The following MGAT4A variants were observed in gnomAD, a reference collection of about 807,000 sequenced individuals.
MGAT4A encodes N-acetylglucosaminyltransferase IVa.
A neutral mutation model predicts 74.1 loss-of-function variants in MGAT4A; 33 were observed. That is an observed-to-expected ratio of 0.45 (90% CI 0.34 to 0.60). The LOEUF (loss-of-function observed/expected upper bound fraction) is 0.60, where lower values mean the gene tolerates loss of function less well. MGAT4A is among the 20% of genes least tolerant of loss of function. The probability of loss-of-function intolerance (pLI) is 0.02; values close to 1 mark genes in which losing one functional copy is unlikely to be tolerated. For missense variants in MGAT4A, 479 were observed against 628.3 expected, an observed-to-expected ratio of 0.76 and a Z score of 2.54; for synonymous variants, 198 against 210.4, an observed-to-expected ratio of 0.94 and a Z score of 0.51.
intron 2 of MGAT4A, among the ~76,000 whole-genome samples, chr2:98,707,353 C>T (rs1247042903): frequency 6.6e-6 from 1 of 152,120 alleles, no homozygotes; most frequent in Non-Finnish European, 1.5e-5. Context: ...CCTTAAGAAG[C>T]TCATTGTTTA....
intron 2 of MGAT4A, among the ~76,000 whole-genome samples, chr2:98,701,111 A>G (rs1702350861): frequency 6.6e-6 from 1 of 152,142 alleles, no homozygotes; most frequent in South Asian, 2.1e-4. Context: ...GAACCTCCTG[A>G]AAGGGTCTAG....
At chr2:98,730,651 C>T (rs1201056760) in intron 1 of MGAT4A, among the ~76,000 whole-genome samples, 2 of 151,490 alleles carry the variant, frequency 1.3e-5, no homozygotes, top group African/African-American at 2.4e-5. Flanking sequence ...GCACTTTGCT[C>T]CACTTTCCCC....
intron 2 of MGAT4A, among the ~76,000 whole-genome samples, chr2:98,683,456 T>C (rs1490155539): frequency 6.6e-6 from 1 of 152,202 alleles, no homozygotes; most frequent in Non-Finnish European, 1.5e-5. Flanking sequence ...CAAATATCTG[T>C]AGAAAGGAAG....
intron 4 of MGAT4A, 42 bp from the exon 5 acceptor site, chr2:98,663,221 G>C (rs902136725): frequency 6.5e-7 from 1 of 1,541,998 alleles, no homozygotes; most frequent in African/African-American, 1.4e-5. Context: ...ACTGTACAAG[G>C]ACAATACAGA....
In MGAT4A at chr2:98,668,203, T is replaced by C. The variant is rs1296098044; in HGVS notation, c.404-5024A>G. On this transcript the variant is annotated intron_variant, in intron 4 of 15. Coordinates refer to ENST00000393487, the MANE Select transcript of MGAT4A (RefSeq NM_012214.3). ...ATGTCTCCAGGGCATGTCAGAGACC[T>C]TTGTGGCAACCCCTCCCATCACAGG... is the stretch of plus-strand genomic sequence containing the variant. Among the ~76,000 whole-genome samples, 10 of 152,208 alleles carry C rather than the reference T, an allele frequency of 6.6e-5. 1 individual carries two copies. Among genetic ancestry groups the C allele is most frequent in the Admixed American group, 6.5e-4 (10 of 15,276 alleles).
intron 2 of MGAT4A, among the ~76,000 whole-genome samples, chr2:98,703,558 G>A (rs1702380755): frequency 6.6e-6 from 1 of 152,178 alleles, no homozygotes; most frequent in African/African-American, 2.4e-5. Flanking sequence ...CTTAAAGGCA[G>A]AGGAATCTCT....
intron 1 of MGAT4A, among the ~76,000 whole-genome samples, chr2:98,729,533 T>C (rs752849263): frequency 2.0e-5 from 3 of 152,182 alleles, no homozygotes; most frequent in Non-Finnish European, 2.9e-5. Context: ...TTTGAATCTT[T>C]AACAACAACA....
At chr2:98,665,625 C>CA (rs1263414478) in intron 4 of MGAT4A, among the ~76,000 whole-genome samples, 2 of 152,200 alleles carry the variant, frequency 1.3e-5, no homozygotes, top group African/African-American at 4.8e-5. Context: ...TGGTAAATAA[C>CA]ATAGGTAAGG....
intron 8 of MGAT4A, among the ~76,000 whole-genome samples, chr2:98,652,153 G>T (rs1474713967): frequency 6.6e-6 from 1 of 152,112 alleles, no homozygotes; most frequent in Non-Finnish European, 1.5e-5. Context: ...GTTATGGATA[G>T]ATCAGACAGA....
At position 98,660,408 on chromosome 2, in the gene MGAT4A, ACACGCACGCG is replaced by A. The variant is rs1216139034; in HGVS notation, c.538-2154_538-2145del. On this transcript the variant is annotated intron_variant, in intron 5 of 15. Coordinates refer to ENST00000393487, the MANE Select transcript of MGAT4A (RefSeq NM_012214.3). ...CATATATAACCACACACACACACAC[ACACGCACGCG>A]CACACACACACACACACACACACAC... Among the ~76,000 whole-genome samples, 19 of 131,678 alleles carry A rather than the reference ACACGCACGCG, an allele frequency of 1.4e-4. 1 individual carries two copies. Among genetic ancestry groups the A allele is most frequent in the African/African-American group, 5.6e-4 (18 of 32,184 alleles). The allele number at this position is 131,678 out of a possible 152,430, so 86.4% of individuals were successfully genotyped here. A position where few individuals can be genotyped will look rare whatever the true frequency, so the allele number is the denominator to read the frequency against.
chr2:98,730,983 C>T (rs1373126544), intron 1 of MGAT4A, 65 bp downstream of exon 1: 1 of 146,038 alleles, frequency 6.8e-6, no homozygotes, highest in Non-Finnish European at 1.5e-5. Context: ...CCCGCGCCCT[C>T]CGCGCAGCCG....
intron 2 of MGAT4A, among the ~76,000 whole-genome samples, chr2:98,698,362 A>G (rs1356539113): frequency 1.3e-5 from 2 of 152,236 alleles, no homozygotes; most frequent in Non-Finnish European, 2.9e-5. Flanking sequence ...GGTTGCAGTG[A>G]GCTGAGATTG....
intron 2 of MGAT4A, among the ~76,000 whole-genome samples, chr2:98,683,592 G>T (rs1489341913): frequency 6.6e-6 from 1 of 151,874 alleles, no homozygotes; most frequent in Non-Finnish European, 1.5e-5. Flanking sequence ...GCAGGAGATT[G>T]AATGGCAGAT....
Position 98,625,168 on chromosome 2 carries a change from CTGATAA to C in MGAT4A, c.*392_*397del. ...ATTTATATATTTATATATATAATCCCTGATAATCTATAAAAGAGGGTCTATAATAGT... is the reference window on the plus strand; with the variant it reads ...ATTTATATATTTATATATATAATCCCTCTATAAAAGAGGGTCTATAATAGT... On this transcript the variant is annotated 3_prime_UTR_variant, in exon 16 of 16. Transcript: ENST00000393487. 1.2e-6 allele frequency: 1 copy of C among 807,308 alleles called. No homozygotes were observed. The highest frequency in any genetic ancestry group is 1.5e-6 in the Non-Finnish European group (1 of 668,230). 50.0% of individuals were successfully genotyped at this position (807,308 alleles called of 1,614,324 possible).
At position 98,656,147 on chromosome 2, in the gene MGAT4A, C is replaced by G. The variant is rs150305361; in HGVS notation, c.698+205G>C. On this transcript the variant is annotated intron_variant, in intron 7 of 15. Coordinates refer to ENST00000393487, the MANE Select transcript of MGAT4A (RefSeq NM_012214.3). ...ATCTAAAAGCTAGTTTAAGAAAACA[C>G]AGTAAAATAAAAGCTAATATTAAGT... 539 of 482,654 alleles carry G rather than the reference C, an allele frequency of 1.1e-3. 3 individuals are homozygous for G. The highest frequency in any genetic ancestry group is 9.2e-3 in the African/African-American group (450 of 49,166). 29.9% of individuals were successfully genotyped at this position (482,654 alleles called of 1,614,324 possible).
intron 14 of MGAT4A, among the ~76,000 whole-genome samples, chr2:98,631,730 G>A (rs1383441071): frequency 6.6e-6 from 1 of 152,184 alleles, no homozygotes; most frequent in African/African-American, 2.4e-5. Context: ...AATAAAACCT[G>A]GCACTCATTC....
At chr2:98,680,802 T>C (rs1488506782) in intron 2 of MGAT4A, among the ~76,000 whole-genome samples, 4 of 152,154 alleles carry the variant, frequency 2.6e-5, no homozygotes, top group Non-Finnish European at 5.9e-5. Context: ...AACAATTCTA[T>C]TAAACAATTA....
At chr2:98,665,533 C>T (rs1189077344) in intron 4 of MGAT4A, among the ~76,000 whole-genome samples, 1 of 152,068 alleles carries the variant, frequency 6.6e-6, no homozygotes, top group African/African-American at 2.4e-5. Context: ...TATGAGACTC[C>T]GTCCCCCCAA....
At chr2:98,722,663 T>C (rs967643373) in intron 2 of MGAT4A, among the ~76,000 whole-genome samples, 1 of 152,200 alleles carries the variant, frequency 6.6e-6, no homozygotes, top group African/African-American at 2.4e-5. Context: ...AACCGACTGA[T>C]TGTACACTTT....
Sources: allele counts gnomAD v4.1 joint callset (sites outside exome capture counted in the v4.1 genomes callset), GRCh38; gene constraint gnomAD v4.1.1; transcripts MANE v1.5; gene names NCBI Gene and HGNC (gene_info 2026-07-23, HGNC 2026-07-21).